CHCHD6: variants seen among roughly 807,000 people sequenced by gnomAD.
The protein encoded by CHCHD6 is coiled-coil-helix-coiled-coil-helix domain containing 6, also known as MICOS complex subunit MIC25.
In CHCHD6, 28 loss-of-function variants were observed where a neutral mutation model predicts 32.3. That is an observed-to-expected ratio of 0.87 (90% confidence interval 0.64 to 1.19). The LOEUF (loss-of-function observed/expected upper bound fraction) is 1.19, where lower values mean the gene tolerates loss of function less well. CHCHD6 is among the 50% of genes most tolerant of loss of function. CHCHD6 has a pLI of 0.00. For synonymous variants in CHCHD6, 122 were observed against 117.5 expected (o/e 1.04, Z -0.25); for missense variants, 333 against 307.0 (o/e 1.08, Z -0.63).
intron 2 of CHCHD6, among the ~76,000 whole-genome samples, chr3:126,729,426 T>C (rs1935681714): frequency 1.3e-5 from 2 of 152,144 alleles, no homozygotes. Flanking sequence ...TGAGGATGAG[T>C]GCCACATGCT....
rs889666526 is a variant in CHCHD6, at chr3:126,823,291, A to G, written c.412-29356A>G. Among the ~76,000 whole-genome samples the G allele has an allele frequency of 5.3e-5, 8 of 152,342 alleles. No homozygotes were observed. The East Asian group carries it at 1.5e-3, about 29-fold the overall frequency. On this transcript the variant is annotated intron_variant, in intron 4 of 7. Coordinates refer to ENST00000290913, the MANE Select transcript of CHCHD6 (RefSeq NM_032343.3). ...GTATTTCTGTATCAATTTCAGAATC[A>G]AACTTGTCAGATTAACATCTATAGA...
intron 1 of CHCHD6, among the ~76,000 whole-genome samples, chr3:126,723,303 G>A (rs1308617177): frequency 6.6e-6 from 1 of 152,016 alleles, no homozygotes; most frequent in Admixed American, 6.6e-5. Context: ...AGATGCAAAA[G>A]TTCCAAAAGT....
At chr3:126,846,677 C>G (rs114710006) in intron 4 of CHCHD6, among the ~76,000 whole-genome samples, 1 of 152,136 alleles carries the variant, frequency 6.6e-6, no homozygotes, top group Non-Finnish European at 1.5e-5. Context: ...TATCTTCACA[C>G]GTGATATTTA....
At chr3:126,934,842 C>G (rs993329652) in intron 6 of CHCHD6, among the ~76,000 whole-genome samples, 1 of 152,160 alleles carries the variant, frequency 6.6e-6, no homozygotes, top group Non-Finnish European at 1.5e-5. Context: ...AGCCACCACG[C>G]CCGGCCTTCC....
intron 4 of CHCHD6, among the ~76,000 whole-genome samples, chr3:126,734,064 C>T (rs1298163582): frequency 1.3e-5 from 2 of 152,190 alleles, no homozygotes; most frequent in East Asian, 1.9e-4. Flanking sequence ...AGAGGCTGTG[C>T]CGACCCTTGT....
intron 5 of CHCHD6, among the ~76,000 whole-genome samples, chr3:126,859,161 GC>G (rs1941768292): frequency 6.6e-6 from 1 of 152,202 alleles, no homozygotes. Context: ...GTGTGTGTAT[GC>G]AATCAGGAAA....
chr3:126,945,479 C>G (rs1160037767), intron 6 of CHCHD6, among the ~76,000 whole-genome samples: 4 of 144,712 alleles, frequency 2.8e-5, no homozygotes. Flanking sequence ...AAGTCGGGAA[C>G]AGGGAGACTC....
intron 5 of CHCHD6, among the ~76,000 whole-genome samples, chr3:126,893,977 TGAGAGGG>T (rs2077802012): frequency 6.6e-6 from 1 of 152,224 alleles, no homozygotes; most frequent in Non-Finnish European, 1.5e-5. Flanking sequence ...GCTGTGCTGC[TGAGAGGG>T]CTGCAAACAC....
At chr3:126,873,875 C>G (rs1478690947) in intron 5 of CHCHD6, among the ~76,000 whole-genome samples, 1 of 152,242 alleles carries the variant, frequency 6.6e-6, no homozygotes, top group African/African-American at 2.4e-5. Flanking sequence ...GTAGCTTGCT[C>G]AAGGCCACAC....
chr3:126,742,446 G>A (rs769188411), intron 4 of CHCHD6, among the ~76,000 whole-genome samples: 6 of 152,138 alleles, frequency 3.9e-5, no homozygotes, highest in Non-Finnish European at 8.8e-5. Context: ...ACTTCATTAG[G>A]TGCATTGTGA....
intron 4 of CHCHD6, among the ~76,000 whole-genome samples, chr3:126,750,994 A>T (rs1936698712): frequency 2.6e-5 from 4 of 152,258 alleles, no homozygotes; most frequent in Admixed American, 6.5e-5. Flanking sequence ...CCTCTTGAGG[A>T]TCTGGAAGGG....
chr3:126,864,224 T>C (rs1353144804), intron 5 of CHCHD6, among the ~76,000 whole-genome samples: 36 of 67,676 alleles, frequency 5.3e-4, no homozygotes, highest in East Asian at 1.1e-3. Flanking sequence ...CCTCCACCAT[T>C]ATCATCATCT....
At chr3:126,900,064 TG>T (rs1428555747) in intron 5 of CHCHD6, among the ~76,000 whole-genome samples, 1 of 152,230 alleles carries the variant, frequency 6.6e-6, no homozygotes, top group African/African-American at 2.4e-5. Flanking sequence ...TTTTTTGTGT[TG>T]AAATTTGACA....
At chr3:126,843,167 T>C (rs1264901751) in intron 4 of CHCHD6, among the ~76,000 whole-genome samples, 1 of 152,222 alleles carries the variant, frequency 6.6e-6, no homozygotes, top group Non-Finnish European at 1.5e-5. Context: ...TTCTTACATC[T>C]ATTGAAAATG....
intron 6 of CHCHD6, among the ~76,000 whole-genome samples, chr3:126,926,464 G>A (rs1380546963): frequency 6.6e-6 from 1 of 152,214 alleles, no homozygotes; most frequent in African/African-American, 2.4e-5. Context: ...CTTTGCCTGA[G>A]TAGTGTGGCC....
chr3:126,863,659 TC>T (rs1942071307), intron 5 of CHCHD6, among the ~76,000 whole-genome samples: 1 of 126,194 alleles, frequency 7.9e-6, no homozygotes, highest in Non-Finnish European at 1.6e-5. Context: ...CACCTCCCCC[TC>T]CTCCACCATC....
chr3:126,840,676 A>G (rs1290775627), intron 4 of CHCHD6, among the ~76,000 whole-genome samples: 1 of 152,120 alleles, frequency 6.6e-6, no homozygotes, highest in Non-Finnish European at 1.5e-5. Context: ...CTGATTAAAT[A>G]TTTAATAACA....
chr3:126,751,203 C>T (rs1936708393), intron 4 of CHCHD6, among the ~76,000 whole-genome samples: 1 of 150,946 alleles, frequency 6.6e-6, no homozygotes, highest in Admixed American at 6.6e-5. Flanking sequence ...TTCTTTTTCT[C>T]ACTAATAAGA....
rs575114752 is a variant in CHCHD6, at chr3:126,806,325, A to C, written c.412-46322A>C. On this transcript the variant is annotated intron_variant, in intron 4 of 7. Coordinates refer to ENST00000290913, the MANE Select transcript of CHCHD6 (RefSeq NM_032343.3). ...CATCTGACAAAGGACTAATATCCAG[A>C]ATCTACAATGAACTCAAACAAATTT... 4.1e-4 allele frequency among the ~76,000 whole-genome samples: 63 copies of C among 152,348 alleles called. 1 individual carries two copies. The South Asian group carries it at 0.013, about 32-fold the overall frequency.
Sources: gnomAD v4.1 joint callset for allele counts (sites outside exome capture counted in the v4.1 genomes callset) on GRCh38, gnomAD v4.1.1 for gene constraint, MANE v1.5 for transcripts, NCBI Gene and HGNC (gene_info 2026-07-23, HGNC 2026-07-21) for gene names.